KAZN: variants seen among roughly 807,000 people sequenced by gnomAD.
KAZN encodes the protein kazrin, periplakin interacting protein.
A neutral mutation model predicts 87.4 loss-of-function variants in KAZN; 40 were observed. That is an observed-to-expected ratio of 0.46 (90% CI 0.36 to 0.60). The LOEUF is 0.60. Among genes scored for constraint, KAZN ranks in the 20% least tolerant of loss-of-function variants. KAZN has a pLI of 0.00. For synonymous variants in KAZN, 466 were observed against 458.3 expected (o/e 1.02, Z -0.22); for missense variants, 898 against 1,073.9 (o/e 0.84, Z 2.29).
chr1:14,450,116 T>C (rs1362212386), intron 2 of KAZN, among the ~76,000 whole-genome samples: 1 of 116,436 alleles, frequency 8.6e-6, no homozygotes, highest in Non-Finnish European at 2.0e-5. Flanking sequence ...CTGGGGAGAG[T>C]GCTGCCCCCC....
chr1:14,397,718 G>C (rs1211689030), intron 2 of KAZN, among the ~76,000 whole-genome samples: 2 of 151,918 alleles, frequency 1.3e-5, no homozygotes, highest in Non-Finnish European at 2.9e-5. Context: ...AAAATTAGCT[G>C]GGCGTGGTGG....
rs74059534 is a variant in KAZN at position 14,476,473 on chromosome 1, C to A, written c.250-122510C>A. Among the ~76,000 whole-genome samples the A allele has an allele frequency of 1.7e-3, 252 of 152,256 alleles. 2 individuals carry two copies. Among genetic ancestry groups the A allele is most frequent in the African/African-American group, 5.9e-3 (244 of 41,536 alleles). ...ATTAGATTAAATATGTTTCCCCACC[C>A]AGTGCTCTGCAGATCGTGGGATTTC... is the stretch of plus-strand genomic sequence containing the variant. On this transcript the variant is annotated intron_variant, in intron 2 of 16. Transcript: ENST00000636203.
chr1:14,564,053 G>C (rs781570212), intron 2 of KAZN, among the ~76,000 whole-genome samples: 12 of 151,714 alleles, frequency 7.9e-5, no homozygotes, highest in African/African-American at 9.7e-5. Flanking sequence ...TATTTTAGTA[G>C]AGACAGGGTT....
In KAZN at chr1:13,911,609, A is replaced by G. The variant is rs538245315; in HGVS notation, c.91+17853A>G. Among the ~76,000 whole-genome samples the G allele has an allele frequency of 2.0e-5, 3 of 152,326 alleles. No homozygotes were observed. In the South Asian group the frequency reaches 6.2e-4, roughly 32 times the overall value. ...TCTCCTGTTTTCTGATGCTGAAGGA[A>G]GACATCACGTCCTTTGAGGTCTATA... On this transcript the variant is annotated intron_variant, in intron 1 of 16. Transcript: ENST00000636203.
intron 2 of KAZN, among the ~76,000 whole-genome samples, chr1:14,566,959 A>C (rs773796310): frequency 2.4e-4 from 36 of 152,318 alleles, no homozygotes; most frequent in Non-Finnish European, 4.3e-4. Context: ...TTTCTTCCTT[A>C]TCATTCATGT....
chr1:15,058,211 A>G (rs1638474462), intron 5 of KAZN, among the ~76,000 whole-genome samples: 1 of 152,188 alleles, frequency 6.6e-6, no homozygotes, highest in Admixed American at 6.5e-5. Context: ...ACATGTGGCT[A>G]CTGTCTGGGA....
intron 1 of KAZN, among the ~76,000 whole-genome samples, chr1:14,834,828 A>T (rs1647174329): frequency 6.6e-6 from 1 of 152,094 alleles, no homozygotes; most frequent in Admixed American, 6.5e-5. Flanking sequence ...TAGTATTAGT[A>T]TTAGTATTAT....
chr1:14,225,518 T>C (rs1647232131), intron 2 of KAZN, among the ~76,000 whole-genome samples: 2 of 151,964 alleles, frequency 1.3e-5, no homozygotes. Flanking sequence ...TTCACAAAAT[T>C]AGAAAAAAAT....
intron 1 of KAZN, among the ~76,000 whole-genome samples, chr1:13,938,849 A>G (rs1431576177): frequency 1.3e-5 from 2 of 152,232 alleles, no homozygotes; most frequent in East Asian, 1.9e-4. Context: ...GCCAAGGCCT[A>G]TGGTTTGCAC....
intron 2 of KAZN, among the ~76,000 whole-genome samples, chr1:14,198,483 T>G (rs999224937): frequency 6.6e-6 from 1 of 152,020 alleles, no homozygotes; most frequent in Non-Finnish European, 1.5e-5. Flanking sequence ...GCCTGTAATC[T>G]CAGCTACTCA....
At chr1:14,501,818 C>A (rs1670271336) in intron 2 of KAZN, among the ~76,000 whole-genome samples, 1 of 152,208 alleles carries the variant, frequency 6.6e-6, no homozygotes, top group Non-Finnish European at 1.5e-5. Flanking sequence ...AAGGACTGAT[C>A]TGTGCTACAA....
chr1:15,029,116 G>A (rs539709604), intron 2 of KAZN, among the ~76,000 whole-genome samples: 4 of 152,304 alleles, frequency 2.6e-5, no homozygotes, highest in South Asian at 2.1e-4. Context: ...GACACCTGCC[G>A]CTTGTAGCTG....
intron 1 of KAZN, among the ~76,000 whole-genome samples, chr1:14,954,207 A>G (rs1240411669): frequency 6.6e-6 from 1 of 152,204 alleles, no homozygotes; most frequent in African/African-American, 2.4e-5. Context: ...CGTTTCCCAG[A>G]CAATGTTTAC....
intron 2 of KAZN, among the ~76,000 whole-genome samples, chr1:14,972,289 C>T (rs1665139249): frequency 6.6e-6 from 1 of 152,234 alleles, no homozygotes; most frequent in Non-Finnish European, 1.5e-5. Context: ...CGCTGGCCTC[C>T]ATCCCAGGAG....
chr1:14,878,561 G>C (rs937961791), intron 1 of KAZN, among the ~76,000 whole-genome samples: 1 of 152,164 alleles, frequency 6.6e-6, no homozygotes, highest in Admixed American at 6.5e-5. Flanking sequence ...CCAGAAGATG[G>C]ATAGCTATTG....
chr1:14,413,590 A>G (rs955767760), intron 2 of KAZN, among the ~76,000 whole-genome samples: 1 of 140,314 alleles, frequency 7.1e-6, no homozygotes, highest in South Asian at 2.2e-4. Flanking sequence ...CTCCGTCTCA[A>G]AAGAAAAAAA....
intron 1 of KAZN, among the ~76,000 whole-genome samples, chr1:14,920,548 G>A (rs1428733567): frequency 6.6e-6 from 1 of 152,114 alleles, no homozygotes; most frequent in African/African-American, 2.4e-5. Context: ...CCTGGAGCAG[G>A]ACAGAGTGAG....
At chr1:14,003,574 C>T (rs750111317) in intron 1 of KAZN, among the ~76,000 whole-genome samples, 1 of 151,800 alleles carries the variant, frequency 6.6e-6, no homozygotes. Flanking sequence ...AGAAATATAC[C>T]CACAAATATA....
rs142009543 is a variant in KAZN at position 14,465,874 on chromosome 1, C to A, written c.250-133109C>A. On this transcript the variant is annotated intron_variant, in intron 2 of 16. Coordinates refer to the KAZN transcript ENST00000636203. ...TGACATTTTGGTCAACAACAGACCA[C>A]ATACACAACAGTGGTCCCGTATGAT... Among the ~76,000 whole-genome samples the A allele has an allele frequency of 4.6e-5, 7 of 152,298 alleles. No homozygotes were observed. The East Asian group carries it at 1.3e-3, about 29-fold the overall frequency.
Sources: gnomAD v4.1 joint callset for allele counts (sites outside exome capture counted in the v4.1 genomes callset) on GRCh38, gnomAD v4.1.1 for gene constraint, MANE v1.5 for transcripts, NCBI Gene and HGNC (gene_info 2026-07-23, HGNC 2026-07-21) for gene names.